SPPL2A: variants seen among roughly 807,000 people sequenced by gnomAD.
SPPL2A encodes the protein signal peptide peptidase like 2A.
In SPPL2A, 51 loss-of-function variants were observed where a neutral mutation model predicts 63.8. That is an observed-to-expected ratio of 0.80 (90% confidence interval 0.64 to 1.01). The LOEUF (loss-of-function observed/expected upper bound fraction) is 1.01, where lower values mean the gene tolerates loss of function less well. SPPL2A is among the 50% of genes least tolerant of loss of function. The probability of loss-of-function intolerance (pLI) is 0.00; values close to 1 mark genes in which losing one functional copy is unlikely to be tolerated. For synonymous variants in SPPL2A, 188 were observed against 205.8 expected (o/e 0.91, Z 0.74); for missense variants, 553 against 622.7 (o/e 0.89, Z 1.19).
chr15:50,746,369 C>A (rs1293254266), intron 5 of SPPL2A, among the ~76,000 whole-genome samples: 5 of 135,078 alleles, frequency 3.7e-5, no homozygotes, highest in African/African-American at 1.4e-4. Flanking sequence ...ACTGGAGAGG[C>A]GGAGTTTTCA....
intron 1 of SPPL2A, among the ~76,000 whole-genome samples, chr15:50,751,990 A>G (rs1020424358): frequency 6.6e-6 from 1 of 151,698 alleles, no homozygotes; most frequent in Non-Finnish European, 1.5e-5. Flanking sequence ...GCCACCACGC[A>G]CAGCTAATTT....
At chr15:50,711,772 G>A (rs779944783) in intron 14 of SPPL2A, among the ~76,000 whole-genome samples, 14 of 151,862 alleles carry the variant, frequency 9.2e-5, no homozygotes, top group Non-Finnish European at 1.9e-4. Flanking sequence ...TCAGGCATTC[G>A]AATGAACCAA....
intron 5 of SPPL2A, among the ~76,000 whole-genome samples, chr15:50,741,573 G>T (rs1288154991): frequency 6.6e-6 from 1 of 151,532 alleles, no homozygotes; most frequent in Non-Finnish European, 1.5e-5. Flanking sequence ...ATACATATGA[G>T]CCATAATAAT....
At chr15:50,763,395 G>A (rs2063028699) in intron 1 of SPPL2A, among the ~76,000 whole-genome samples, 1 of 152,182 alleles carries the variant, frequency 6.6e-6, no homozygotes, top group Non-Finnish European at 1.5e-5. Flanking sequence ...AGTGATACTA[G>A]CTGGTATCGA....
chr15:50,715,253 C>T (rs2062592003), intron 14 of SPPL2A, among the ~76,000 whole-genome samples: 1 of 152,076 alleles, frequency 6.6e-6, no homozygotes, highest in Admixed American at 6.6e-5. Context: ...TAGCCTTGGC[C>T]TCTCAATGTG....
intron 14 of SPPL2A, among the ~76,000 whole-genome samples, chr15:50,714,539 G>A (rs2062584786): frequency 6.6e-6 from 1 of 151,722 alleles, no homozygotes; most frequent in African/African-American, 2.4e-5. Flanking sequence ...GCTGAGGCAG[G>A]AGAATCGCTT....
At chr15:50,749,907 T>C (rs1158608032) in intron 1 of SPPL2A, 161 bp from the exon 2 acceptor site, 2 of 610,044 alleles carry the variant, frequency 3.3e-6, no homozygotes, top group Admixed American at 2.8e-5. Flanking sequence ...AAAAGGATGG[T>C]TAGGAATATT....
chr15:50,713,569 CTGAG>C (rs1217981990), intron 14 of SPPL2A, among the ~76,000 whole-genome samples: 1 of 151,628 alleles, frequency 6.6e-6, no homozygotes, highest in Non-Finnish European at 1.5e-5. Context: ...CCAGCATTTC[CTGAG>C]TATTTTTTTT....
chr15:50,708,992 G>A (rs922330980), intron 14 of SPPL2A, among the ~76,000 whole-genome samples: 3 of 151,736 alleles, frequency 2.0e-5, no homozygotes, highest in Admixed American at 1.3e-4. Flanking sequence ...AGCCGAGATC[G>A]TGCTACTGCG....
Position 50,751,000 on chromosome 15 carries a change from T to A in SPPL2A, c.67-1254A>T, listed in dbSNP as rs143259088. Reference sequence around the variant, plus strand: ...CATACAAGTCAACGTAAGTTTCTAATGAGTATAGAAATGTTCTAATCCCAT... The same window carrying A: ...CATACAAGTCAACGTAAGTTTCTAAAGAGTATAGAAATGTTCTAATCCCAT... On this transcript the variant is annotated intron_variant, in intron 1 of 14. Coordinates refer to ENST00000261854, the MANE Select transcript of SPPL2A (RefSeq NM_032802.4). Among the ~76,000 whole-genome samples, 488 of 152,342 alleles carry A rather than the reference T, an allele frequency of 3.2e-3. 1 individual carries two copies. The highest frequency in any genetic ancestry group is 7.3e-3 in the Admixed American group (111 of 15,290).
At chr15:50,710,773 T>TA (rs2062549685) in intron 14 of SPPL2A, among the ~76,000 whole-genome samples, 1 of 152,220 alleles carries the variant, frequency 6.6e-6, no homozygotes, top group Admixed American at 6.5e-5. Flanking sequence ...ACTTGTCAGT[T>TA]ACAGCTTGTG....
chr15:50,737,312 T>C, intron 6 of SPPL2A, among the ~76,000 whole-genome samples: 1 of 152,202 alleles, frequency 6.6e-6, no homozygotes, highest in Non-Finnish European at 1.5e-5. Context: ...TATCAATGAC[T>C]ACTATAAACT....
At chr15:50,712,679 C>CCTTTT (rs35199045) in intron 14 of SPPL2A, among the ~76,000 whole-genome samples, 6 of 102,938 alleles carry the variant, frequency 5.8e-5, no homozygotes, top group Admixed American at 1.0e-4. Context: ...CTCCCCCCCC[C>CCTTTT]TTTTTTTTTT....
intron 10 of SPPL2A, among the ~76,000 whole-genome samples, chr15:50,728,367 G>A (rs1337863870): frequency 2.0e-5 from 3 of 152,068 alleles, no homozygotes; most frequent in South Asian, 2.1e-4. Context: ...TTTTTGAGAC[G>A]GAGTCTCACT....
intron 1 of SPPL2A, among the ~76,000 whole-genome samples, chr15:50,756,356 C>CAAA (rs34922256): frequency 1.4e-4 from 9 of 63,372 alleles, no homozygotes; most frequent in African/African-American, 2.4e-4. Flanking sequence ...GACTCCGTCT[C>CAAA]AAAAAAAAAA....
intron 9 of SPPL2A, among the ~76,000 whole-genome samples, chr15:50,731,997 T>C (rs1037600023): frequency 4.0e-5 from 6 of 149,946 alleles, no homozygotes; most frequent in African/African-American, 1.2e-4. Context: ...CTCATGCCTG[T>C]AATCCCAGCA....
intron 1 of SPPL2A, among the ~76,000 whole-genome samples, chr15:50,760,042 G>A (rs2062995980): frequency 6.6e-6 from 1 of 152,144 alleles, no homozygotes; most frequent in African/African-American, 2.4e-5. Flanking sequence ...TTAAAAGGAG[G>A]AAATGTAATA....
intron 1 of SPPL2A, among the ~76,000 whole-genome samples, chr15:50,753,823 G>A (rs1363219922): frequency 1.3e-5 from 2 of 151,980 alleles, no homozygotes; most frequent in African/African-American, 4.8e-5. Flanking sequence ...TTGAGACAGA[G>A]TCTCACTCTA....
intron 14 of SPPL2A, among the ~76,000 whole-genome samples, chr15:50,714,245 C>G (rs922549731): frequency 5.9e-5 from 9 of 152,324 alleles, no homozygotes; most frequent in Admixed American, 3.9e-4. Flanking sequence ...TATGGTAAAG[C>G]TCCTGATGTC....
Sources: allele counts gnomAD v4.1 joint callset (sites outside exome capture counted in the v4.1 genomes callset), GRCh38; gene constraint gnomAD v4.1.1; transcripts MANE v1.5; gene names NCBI Gene and HGNC (gene_info 2026-07-23, HGNC 2026-07-21).